INPP4B: variants seen among roughly 807,000 people sequenced by gnomAD.
INPP4B encodes the protein inositol polyphosphate-4-phosphatase type II B.
Under a neutral mutation model 122.5 loss-of-function variants are expected in INPP4B, and 55 were observed. The ratio of observed to expected loss-of-function variants is 0.45; its 90% CI spans 0.36 to 0.56. The LOEUF (loss-of-function observed/expected upper bound fraction) is 0.56, where lower values mean the gene tolerates loss of function less well. Among genes scored for constraint, INPP4B ranks in the 20% least tolerant of loss-of-function variants. The pLI is 0.00. For missense variants in INPP4B, 1,000 were observed against 1,097.7 expected, an observed-to-expected ratio of 0.91 and a Z score of 1.26; for synonymous variants, 403 against 388.7, an observed-to-expected ratio of 1.04 and a Z score of -0.43.
In INPP4B at chr4:142,106,652, T is replaced by C. The variant is rs192707430; in HGVS notation, c.2374+1441A>G. ...CAGACTTTGCCAACAATCTACTTTG[T>C]AATATATATTTTGAGTAAGGATGGC... On this transcript the variant is annotated intron_variant, in intron 23 of 25. Transcript: ENST00000262992. Among the ~76,000 whole-genome samples, 209 of 152,314 alleles carry C rather than the reference T, an allele frequency of 1.4e-3. 1 individual carries two copies. Among genetic ancestry groups the C allele is most frequent in the Non-Finnish European group, 2.8e-4 (19 of 68,010 alleles).
In INPP4B at chr4:142,364,814, G is replaced by T. The variant is rs558950365; in HGVS notation, c.372+38124C>A. Among the ~76,000 whole-genome samples the T allele has an allele frequency of 2.6e-5, 4 of 152,196 alleles. No homozygotes were observed. The South Asian group carries it at 8.3e-4, about 32-fold the overall frequency. On this transcript the variant is annotated intron_variant, in intron 7 of 25. Transcript: ENST00000262992. ...AAACTCATGTGTGCTCCCCAAGAGAGAATCAGCTATGCAACTAGTGAGCCC... is the reference window on the plus strand; with the variant it reads ...AAACTCATGTGTGCTCCCCAAGAGATAATCAGCTATGCAACTAGTGAGCCC...
At chr4:142,129,922 G>A (rs938615773) in intron 18 of INPP4B, among the ~76,000 whole-genome samples, 2 of 152,156 alleles carry the variant, frequency 1.3e-5, no homozygotes, top group Admixed American at 1.3e-4. Flanking sequence ...TGCTGTGGGT[G>A]ATACTAATAT....
At chr4:142,784,616 G>A (rs1053196664) in intron 1 of INPP4B, among the ~76,000 whole-genome samples, 1 of 151,994 alleles carries the variant, frequency 6.6e-6, no homozygotes, top group African/African-American at 2.4e-5. Context: ...ATGCAGGTTA[G>A]CTTGAGAGTG....
chr4:142,162,957 C>T (rs1401613517), intron 16 of INPP4B, among the ~76,000 whole-genome samples: 1 of 151,804 alleles, frequency 6.6e-6, no homozygotes, highest in Non-Finnish European at 1.5e-5. Context: ...CCCAAATGTC[C>T]CATTGTGATA....
chr4:142,769,319 T>C (rs1323839589), intron 1 of INPP4B, among the ~76,000 whole-genome samples: 2 of 152,020 alleles, frequency 1.3e-5, no homozygotes, highest in African/African-American at 2.4e-5. Context: ...CAAAGGGAGG[T>C]GAGAAAGGCA....
intron 11 of INPP4B, among the ~76,000 whole-genome samples, chr4:142,258,920 C>T (rs1738048492): frequency 6.6e-6 from 1 of 152,126 alleles, no homozygotes; most frequent in Non-Finnish European, 1.5e-5. Context: ...TTTATTGTGG[C>T]ATTATTCACA....
intron 25 of INPP4B, among the ~76,000 whole-genome samples, chr4:142,057,321 C>T (rs748378832): frequency 5.9e-5 from 9 of 151,964 alleles, no homozygotes; most frequent in Admixed American, 1.3e-4. Context: ...GTTACAGAAA[C>T]GTAACCTATA....
chr4:142,439,428 G>C (rs1383707429), intron 3 of INPP4B, among the ~76,000 whole-genome samples: 2 of 151,976 alleles, frequency 1.3e-5, no homozygotes, highest in Non-Finnish European at 2.9e-5. Flanking sequence ...ATTTCATCTT[G>C]GCATCTGTTT....
chr4:142,774,262 G>A lies in INPP4B; in HGVS notation c.-253-48361C>T, dbSNP rs549070837. Among the ~76,000 whole-genome samples, 76 of 144,222 alleles carry A rather than the reference G, an allele frequency of 5.3e-4. 1 individual carries two copies. Among genetic ancestry groups the A allele is most frequent in the Admixed American group, 2.0e-3 (29 of 14,706 alleles). 94.6% of individuals were successfully genotyped at this position (144,222 alleles called of 152,430 possible). A position where few individuals can be genotyped will look rare whatever the true frequency, so the allele number is the denominator to read the frequency against. ...TCTGAACCAGTGCAATCATGGAGGT[G>A]TTGGCTAACGCACCTGAGATGAAGA... On this transcript the variant is annotated intron_variant, in intron 1 of 25. Coordinates refer to ENST00000262992, the MANE Select transcript of INPP4B (RefSeq NM_001101669.3).
At chr4:142,366,334 C>A (rs1481097337) in intron 7 of INPP4B, among the ~76,000 whole-genome samples, 88 of 144,522 alleles carry the variant, frequency 6.1e-4, no homozygotes, top group Non-Finnish European at 7.0e-4. Flanking sequence ...TTGTTGCTCA[C>A]AAAAAAAAAA....
chr4:142,538,715 G>A (rs1421907986), intron 2 of INPP4B, among the ~76,000 whole-genome samples: 1 of 152,076 alleles, frequency 6.6e-6, no homozygotes, highest in African/African-American at 2.4e-5. Flanking sequence ...TTGAATATAA[G>A]TAGTGGGTAT....
At chr4:142,650,507 A>G (rs887833527) in intron 2 of INPP4B, among the ~76,000 whole-genome samples, 2 of 152,108 alleles carry the variant, frequency 1.3e-5, no homozygotes, top group African/African-American at 4.8e-5. Flanking sequence ...GCTCAAAATA[A>G]AGGGATAAAG....
chr4:142,376,013 A>G lies in INPP4B; in HGVS notation c.372+26925T>C, dbSNP rs547368044. ...CAAATTATTGCTTTGATATTTCTAC[A>G]TGGATATCCATCTGCAGGTCAAATT... On this transcript the variant is annotated intron_variant, in intron 7 of 25. Coordinates refer to ENST00000262992, the MANE Select transcript of INPP4B (RefSeq NM_001101669.3). Among the ~76,000 whole-genome samples the G allele has an allele frequency of 2.6e-5, 4 of 152,102 alleles. No homozygotes were observed. The East Asian group carries it at 5.8e-4, about 22-fold the overall frequency.
At position 142,108,102 on chromosome 4, in the gene INPP4B, G is replaced by C. The variant is rs767759635; in HGVS notation, c.2365C>G (p.Pro789Ala). 1 of 1,490,044 alleles carries C rather than the reference G, an allele frequency of 6.7e-7. No homozygotes were observed. Among genetic ancestry groups the C allele is most frequent in the Non-Finnish European group, 9.3e-7 (1 of 1,070,518 alleles). 92.3% of individuals were successfully genotyped at this position (1,490,044 alleles called of 1,614,324 possible). The change falls in exon 23 of 26, where the codon CCT (proline) becomes GCT (alanine). Residue 789 changes from proline to alanine, a missense_variant. Physicochemically the swap from Pro to Ala is conservative, Grantham distance 27. Transcript: ENST00000262992. ...EYYKIFMEKM[P>A]PDYISHFQEQ... is the part of the protein sequence containing the mutation. Reference sequence around the variant, plus strand: ...TAACTCACATACTTACAATCAGGAGGCATCTTTTCCATAAATATCTTGTAA... The same window carrying C: ...TAACTCACATACTTACAATCAGGAGCCATCTTTTCCATAAATATCTTGTAA...
chr4:142,587,417 T>C (rs1736460812), intron 2 of INPP4B, among the ~76,000 whole-genome samples: 1 of 152,086 alleles, frequency 6.6e-6, no homozygotes, highest in South Asian at 2.1e-4. Context: ...CTGAAAAGTC[T>C]TCTATTTAAA....
chr4:142,328,004 G>C (rs1028094940), intron 7 of INPP4B, among the ~76,000 whole-genome samples: 16 of 152,142 alleles, frequency 1.1e-4, no homozygotes, highest in African/African-American at 3.1e-4. Context: ...GGAAGTTAAA[G>C]CAAAGATCCC....
At chr4:142,308,123 T>C (rs1764140621) in intron 8 of INPP4B, among the ~76,000 whole-genome samples, 1 of 152,196 alleles carries the variant, frequency 6.6e-6, no homozygotes, top group South Asian at 2.1e-4. Flanking sequence ...CTGAGCCCAG[T>C]GTCTGGAACA....
intron 1 of INPP4B, among the ~76,000 whole-genome samples, chr4:142,745,647 C>T (rs1768617052): frequency 6.6e-6 from 1 of 151,618 alleles, no homozygotes; most frequent in Non-Finnish European, 1.5e-5. Context: ...TTTTAGTTCC[C>T]ATAAAGTGTC....
At chr4:142,810,879 T>G (rs951209747) in intron 1 of INPP4B, among the ~76,000 whole-genome samples, 1 of 152,236 alleles carries the variant, frequency 6.6e-6, no homozygotes, top group African/African-American at 2.4e-5. Flanking sequence ...AAAAGTGTCT[T>G]GCATACAAAT....
Sources: allele counts gnomAD v4.1 joint callset (sites outside exome capture counted in the v4.1 genomes callset), GRCh38; gene constraint gnomAD v4.1.1; transcripts MANE v1.5; gene names NCBI Gene and HGNC (gene_info 2026-07-23, HGNC 2026-07-21).